The following ENG variants were observed in gnomAD, a reference collection of about 807,000 sequenced individuals.
ENG encodes endoglin.
Under a neutral mutation model 71.0 loss-of-function variants are expected in ENG, and 17 were observed. The ratio of observed to expected loss-of-function variants is 0.24; its 90% CI spans 0.16 to 0.36. The LOEUF is 0.36. Among genes scored for constraint, ENG ranks in the 10% least tolerant of loss-of-function variants. The pLI is 1.00. For missense variants in ENG, 749 were observed against 868.3 expected, an observed-to-expected ratio of 0.86 and a Z score of 1.73; for synonymous variants, 360 against 366.9, an observed-to-expected ratio of 0.98 and a Z score of 0.21.
In ENG at chr9:127,838,901, C is replaced by A. The variant is rs1830965461; in HGVS notation, c.219+4193G>T. 6.6e-6 allele frequency among the ~76,000 whole-genome samples: 1 copy of A among 152,162 alleles called. No homozygotes were observed. The highest frequency in any genetic ancestry group is 2.4e-5 in the African/African-American group (1 of 41,432). ...CTCGGCTGCCACCGCCCATCTACCA[C>A]CCACCCACAGGAAATCTGAGGATTC... On this transcript the variant is annotated intron_variant, in intron 2 of 14. Transcript: ENST00000373203. This position sits in a 1 kb window ranked among gnomAD's most constrained non-coding sequence, Gnocchi z 4.3.
rs1564460806 is a variant in ENG, at chr9:127,837,798, C to CCATCCATCCATCCATCCATCCATCCA, written c.219+5295_219+5296insTGGATGGATGGATGGATGGATGGATG. Among the ~76,000 whole-genome samples the CCATCCATCCATCCATCCATCCATCCA allele has an allele frequency of 7.8e-5, 7 of 89,274 alleles. No individual in the cohort carries two copies. In the South Asian group the frequency reaches 1.5e-3, roughly 20 times the overall value. 58.6% of individuals were successfully genotyped at this position (89,274 alleles called of 152,430 possible). ...TGCATCCATCCATCCATCCATCCAT[C>CCATCCATCCATCCATCCATCCATCCA]CATCCATCCATCCATCCAACAGATA... On this transcript the variant is annotated intron_variant, in intron 2 of 14. Coordinates refer to ENST00000373203, the MANE Select transcript of ENG (RefSeq NM_001114753.3).
chr9:127,824,492 C>G (rs1830553425), intron 7 of ENG, 46 bp from the exon 8 acceptor site: 3 of 1,200,616 alleles, frequency 2.5e-6, no homozygotes, highest in African/African-American at 1.5e-5. Flanking sequence ...ACTGTGTGAT[C>G]ACTGTGTGCC....
intron 13 of ENG, chr9:127,816,941 G>T: frequency 1.6e-6 from 1 of 637,434 alleles, no homozygotes; most frequent in Non-Finnish European, 2.8e-6. Context: ...TCCCGGGCAA[G>T]GGCTCTCCAT....
intron 2 of ENG, among the ~76,000 whole-genome samples, chr9:127,837,929 C>T (rs1830944336): frequency 6.6e-6 from 1 of 152,182 alleles, no homozygotes; most frequent in Non-Finnish European, 1.5e-5. Context: ...CCAATCCTGC[C>T]CCTTCAGCAA....
At chr9:127,827,542 G>C (rs988490408) in intron 3 of ENG, among the ~76,000 whole-genome samples, 11 of 152,178 alleles carry the variant, frequency 7.2e-5, no homozygotes, top group Non-Finnish European at 1.5e-4. Context: ...GAAGCTGTTG[G>C]GGCCACTGAC....
chr9:127,824,742 T>A lies in ENG; in HGVS notation c.991+58A>T, dbSNP rs12002508. 4,957 of 1,417,610 alleles carry A rather than the reference T, an allele frequency of 3.5e-3. 132 individuals carry two copies. In the African/African-American group the frequency reaches 0.062, roughly 18 times the overall value. 87.8% of individuals were successfully genotyped at this position (1,417,610 alleles called of 1,614,324 possible). On this transcript the variant is annotated intron_variant, in intron 7 of 14. Coordinates refer to ENST00000373203, the MANE Select transcript of ENG (RefSeq NM_001114753.3). ...TCACACAGAGGTGCTTCACCAACAGTGTGGCCACTGATCCAAGGGAGGGGA... is the reference window on the plus strand; with the variant it reads ...TCACACAGAGGTGCTTCACCAACAGAGTGGCCACTGATCCAAGGGAGGGGA...
At position 127,815,512 on chromosome 9, in the gene ENG, A is replaced by C; in HGVS notation, c.*170T>G. 7.5e-7 allele frequency: 1 copy of C among 1,327,804 alleles called. No homozygotes were observed. Among genetic ancestry groups the C allele is most frequent in the East Asian group, 2.5e-5 (1 of 39,486 alleles). The allele number at this position is 1,327,804 out of a possible 1,614,324, so 82.3% of individuals were successfully genotyped here. A position where few individuals can be genotyped will look rare whatever the true frequency, so the allele number is the denominator to read the frequency against. ...GAGGGACCCCAAGGTGTTCCAAGCCAGTGGCTGCACTGGCAGCAGGCCTCT... is the reference window on the plus strand; with the variant it reads ...GAGGGACCCCAAGGTGTTCCAAGCCCGTGGCTGCACTGGCAGCAGGCCTCT... On this transcript the variant is annotated 3_prime_UTR_variant, in exon 15 of 15. Transcript: ENST00000373203.
At chr9:127,842,978 G>A (rs1317982276) in intron 2 of ENG, 116 bp downstream of exon 2, 3 of 1,492,648 alleles carry the variant, frequency 2.0e-6, no homozygotes, top group Non-Finnish European at 2.8e-6. Flanking sequence ...CTTGGCAGGG[G>A]GCCTAACGAG....
intron 1 of ENG, among the ~76,000 whole-genome samples, chr9:127,847,821 T>C (rs1588600284): frequency 6.6e-6 from 1 of 151,806 alleles, no homozygotes; most frequent in African/African-American, 2.4e-5. Context: ...GCCTCACAGG[T>C]TTCCCAGCAT....
chr9:127,850,792 C>T (rs1206619364), intron 1 of ENG, among the ~76,000 whole-genome samples: 4 of 152,236 alleles, frequency 2.6e-5, no homozygotes, highest in African/African-American at 9.7e-5. Flanking sequence ...GGGACGCAAT[C>T]CACATGAAAT....
In ENG at chr9:127,820,038, C is replaced by T; in HGVS notation, c.1135-1G>A. 1.2e-6 allele frequency: 2 copies of T among 1,613,720 alleles called. No homozygotes were observed. The highest frequency in any genetic ancestry group is 1.7e-6 in the Non-Finnish European group (2 of 1,179,998). On this transcript the variant is annotated splice_acceptor_variant, in intron 8 of 14. Coordinates refer to ENST00000373203, the MANE Select transcript of ENG (RefSeq NM_001114753.3). LOFTEE classifies it high-confidence loss of function. Reference sequence around the variant, plus strand: ...GGCCCGTGATGGTGCACTTCAAATGCTGGGTCGGAAGAGAGGGGCACCATC... The same window carrying T: ...GGCCCGTGATGGTGCACTTCAAATGTTGGGTCGGAAGAGAGGGGCACCATC...
At position 127,817,214 on chromosome 9, in the gene ENG, AAGAG is replaced by A. The variant is rs566728279; in HGVS notation, c.1687-15_1687-12del. ...AGTCCTATGGACTTCCTGGAGGAGA[AAGAG>A]AGAGCAGTATGTGGCACCTTTGGGA... On this transcript the variant is annotated splice_polypyrimidine_tract_variant and intron_variant, in intron 12 of 14. Coordinates refer to ENST00000373203, the MANE Select transcript of ENG (RefSeq NM_001114753.3). 1.9e-4 allele frequency: 299 copies of A among 1,614,112 alleles called. 1 individual carries two copies. In the Middle Eastern group the frequency reaches 6.3e-3, roughly 34 times the overall value.
chr9:127,829,729 G>A lies in ENG; in HGVS notation c.318C>T (p.Phe106=), dbSNP rs1295204585. Residue 106 remains phenylalanine (F), a synonymous_variant, in exon 3 of 15, where the codon TTC becomes TTT. Transcript: ENST00000373203. The part of the protein sequence containing the change: ...LLVLSVNSSV[F]LHLQALGIPL... ...GGATTCCCAGGGCCTGGAGATGCAG[G>A]AAGACACTGCTGTTTACACTGAGGA... 1.2e-6 allele frequency: 2 copies of A among 1,614,176 alleles called. No individual in the cohort carries two copies. Among genetic ancestry groups the A allele is most frequent in the Admixed American group, 1.7e-5 (1 of 60,012 alleles).
chr9:127,821,546 A>G (rs1026960425), intron 8 of ENG: 1 of 152,100 alleles, frequency 6.6e-6, no homozygotes, highest in African/African-American at 2.4e-5. Flanking sequence ...CCTGGCCAAT[A>G]TGGTGAAACC....
Position 127,846,816 on chromosome 9 carries a change from G to A in ENG, c.68-3571C>T, listed in dbSNP as rs1831178531. ...GACTGGGTCAGAGGAGGAGCCGCTG[G>A]GGGCCTGGGTGACTGGAACCCCAAG... is the stretch of plus-strand genomic sequence containing the variant. On this transcript the variant is annotated intron_variant, in intron 1 of 14. Coordinates refer to ENST00000373203, the MANE Select transcript of ENG (RefSeq NM_001114753.3). This position sits in a 1 kb window ranked among gnomAD's most constrained non-coding sequence, Gnocchi z 5.5. 1 of 966,000 alleles carries A rather than the reference G, an allele frequency of 1.0e-6. No individual in the cohort carries two copies. The highest frequency in any genetic ancestry group is 1.8e-5 in the African/African-American group (1 of 56,930). The allele number at this position is 966,000 out of a possible 1,614,324, so 59.8% of individuals were successfully genotyped here. A position where few individuals can be genotyped will look rare whatever the true frequency, so the allele number is the denominator to read the frequency against.
In ENG at chr9:127,815,176, C is replaced by T. The variant is rs1645797282; in HGVS notation, c.*506G>A. 6.4e-6 allele frequency: 1 copy of T among 155,780 alleles called. No homozygotes were observed. Among genetic ancestry groups the T allele is most frequent in the Admixed American group, 6.3e-5 (1 of 15,936 alleles). 9.6% of individuals were successfully genotyped at this position (155,780 alleles called of 1,614,324 possible). A position where few individuals can be genotyped will look rare whatever the true frequency, so the allele number is the denominator to read the frequency against. ...CACTGTTCTTGCCACCCTCTGGGCT[C>T]CCAGGCTGGGCTCCGCTAGGCTCCT... On this transcript the variant is annotated 3_prime_UTR_variant, in exon 15 of 15. Coordinates refer to ENST00000373203, the MANE Select transcript of ENG (RefSeq NM_001114753.3).
chr9:127,847,777 G>A (rs1344700744), intron 1 of ENG, among the ~76,000 whole-genome samples: 20 of 151,926 alleles, frequency 1.3e-4, no homozygotes, highest in Admixed American at 1.1e-3. Flanking sequence ...CAGTACCCCC[G>A]GGCCACTCTT....
At position 127,818,169 on chromosome 9, in the gene ENG, G is replaced by C; in HGVS notation, c.1637C>G (p.Thr546Ser). 3 of 1,614,252 alleles carry C rather than the reference G, an allele frequency of 1.9e-6. No homozygotes were observed. The highest frequency in any genetic ancestry group is 2.5e-6 in the Non-Finnish European group (3 of 1,180,050). ...ACGCAGGGCTACCGTGCAGCTGAGG[G>C]TGCCGGTTTTGGGTATGGGTACTGT... is the stretch of plus-strand genomic sequence containing the variant. Reference protein sequence around the residue: ...FYTVPIPKTGTLSCTVALRPK... With the variant: ...FYTVPIPKTGSLSCTVALRPK... Residue 546 changes from threonine (T) to serine (S), a missense_variant, in exon 12 of 15, where the codon ACC (threonine) becomes AGC (serine). Physicochemically the swap from Thr to Ser is moderately conservative, Grantham distance 58. Transcript: ENST00000373203.
intron 2 of ENG, among the ~76,000 whole-genome samples, chr9:127,833,692 A>C (rs1830825209): frequency 6.6e-6 from 1 of 152,176 alleles, no homozygotes; most frequent in Admixed American, 6.5e-5. Flanking sequence ...GTTATGAAAA[A>C]GGGGAAGGCT....
Sources: allele counts gnomAD v4.1 joint callset (sites outside exome capture counted in the v4.1 genomes callset), GRCh38; gene constraint gnomAD v4.1.1; non-coding constraint Gnocchi (gnomAD v3.1); transcripts MANE v1.5; gene names NCBI Gene and HGNC (gene_info 2026-07-23, HGNC 2026-07-21).